PDE4D: variants seen among roughly 807,000 people sequenced by gnomAD.
PDE4D encodes the protein phosphodiesterase 4D, also known as 3',5'-cyclic-AMP phosphodiesterase 4D.
A neutral mutation model predicts 87.4 loss-of-function variants in PDE4D; 24 were observed. That is an observed-to-expected ratio of 0.27 (90% CI 0.20 to 0.39). The LOEUF is 0.39. Among genes scored for constraint, PDE4D ranks in the 10% least tolerant of loss-of-function variants. The pLI is 1.00. For synonymous variants in PDE4D, 384 were observed against 383.2 expected, an observed-to-expected ratio of 1.00 and a Z score of -0.02; for missense variants, 714 against 1,041.0, an observed-to-expected ratio of 0.69 and a Z score of 4.32.
chr5:58,998,394 G>A (rs1334790722), intron 6 of PDE4D, among the ~76,000 whole-genome samples: 1 of 151,972 alleles, frequency 6.6e-6, no homozygotes, highest in Non-Finnish European at 1.5e-5. Context: ...CGGATAATGA[G>A]GGCTTCTTAT....
intron 1 of PDE4D, among the ~76,000 whole-genome samples, chr5:59,225,317 T>C (rs1257176526): frequency 6.6e-6 from 1 of 152,098 alleles, no homozygotes; most frequent in East Asian, 1.9e-4. Flanking sequence ...TGACTGTGTA[T>C]GTGTGAGTTT....
chr5:60,370,842 G>A (rs781536232), intron 1 of PDE4D, among the ~76,000 whole-genome samples: 3 of 151,254 alleles, frequency 2.0e-5, no homozygotes, highest in Non-Finnish European at 4.4e-5. Context: ...AGAGAGAGAG[G>A]GAAGGAGAGA....
chr5:59,793,070 A>G (rs1344041589), intron 1 of PDE4D, among the ~76,000 whole-genome samples: 2 of 152,220 alleles, frequency 1.3e-5, no homozygotes, highest in Non-Finnish European at 2.9e-5. Context: ...TCCGATAGGT[A>G]GGAAATCAGA....
chr5:59,573,416 C>A (rs978980990), intron 1 of PDE4D, among the ~76,000 whole-genome samples: 1 of 152,096 alleles, frequency 6.6e-6, no homozygotes, highest in Non-Finnish European at 1.5e-5. Flanking sequence ...CCACCCCTAG[C>A]AACTCCCTGT....
At chr5:59,588,738 G>GTAA (rs1825539635) in intron 1 of PDE4D, among the ~76,000 whole-genome samples, 1 of 152,158 alleles carries the variant, frequency 6.6e-6, no homozygotes, top group Admixed American at 6.5e-5. Flanking sequence ...AAAGCAATGT[G>GTAA]AACTTGTAGG....
intron 3 of PDE4D, among the ~76,000 whole-genome samples, chr5:59,957,478 CT>C (rs1355508447): frequency 6.6e-6 from 1 of 151,724 alleles, no homozygotes; most frequent in Non-Finnish European, 1.5e-5. Context: ...GACCTAAGTT[CT>C]TTTATCTGAA....
At position 59,117,531 on chromosome 5, in the gene PDE4D, C is replaced by T. The variant is rs114071055; in HGVS notation, c.808+63064G>A. Among the ~76,000 whole-genome samples the T allele has an allele frequency of 8.0e-3, 1,221 of 152,298 alleles. 21 individuals carry two copies. The highest frequency in any genetic ancestry group is 0.028 in the African/African-American group (1,166 of 41,564). ...TACATTTCTTATCTATAAGTCCCAA[C>T]TCAAGCCTTACTTCCCCCTGGAGCA... On this transcript the variant is annotated intron_variant, in intron 5 of 14. Transcript: ENST00000340635.
At chr5:60,500,510 T>A (rs1422629198) in intron 1 of PDE4D, among the ~76,000 whole-genome samples, 2 of 152,212 alleles carry the variant, frequency 1.3e-5, no homozygotes, top group East Asian at 3.8e-4. Context: ...GGTAAATAGA[T>A]GTTAAGTAAT....
At chr5:59,157,691 A>T (rs532692514) in intron 5 of PDE4D, among the ~76,000 whole-genome samples, 13 of 152,354 alleles carry the variant, frequency 8.5e-5, no homozygotes, top group African/African-American at 3.1e-4. Flanking sequence ...ACCTAGTTAA[A>T]CAGTTGAAGA....
chr5:59,002,851 AACC>A (rs1750817415), intron 6 of PDE4D, among the ~76,000 whole-genome samples: 1 of 152,228 alleles, frequency 6.6e-6, no homozygotes, highest in African/African-American at 2.4e-5. Context: ...AGCAATAAAT[AACC>A]AGAACAGATA....
chr5:60,481,714 G>A (rs1748743581), intron 1 of PDE4D, among the ~76,000 whole-genome samples: 2 of 152,078 alleles, frequency 1.3e-5, no homozygotes. Flanking sequence ...ACATAGAAGA[G>A]GATGGGTGAG....
At chr5:60,362,646 T>C (rs536820170) in intron 1 of PDE4D, among the ~76,000 whole-genome samples, 11 of 152,172 alleles carry the variant, frequency 7.2e-5, no homozygotes, top group African/African-American at 2.6e-4. Context: ...TCACCTAAGG[T>C]CAGGAGTTTG....
intron 1 of PDE4D, among the ~76,000 whole-genome samples, chr5:60,469,689 G>A (rs1449119746): frequency 6.6e-6 from 1 of 152,016 alleles, no homozygotes; most frequent in Non-Finnish European, 1.5e-5. Flanking sequence ...TATTTGTTAG[G>A]GTGATATGTG....
intron 3 of PDE4D, among the ~76,000 whole-genome samples, chr5:59,926,718 G>C (rs1755329496): frequency 6.6e-6 from 1 of 152,110 alleles, no homozygotes; most frequent in African/African-American, 2.4e-5. Flanking sequence ...GCTGAAATTA[G>C]AAGTATCATT....
chr5:59,525,810 C>G (rs188599883), intron 1 of PDE4D, among the ~76,000 whole-genome samples: 10 of 152,158 alleles, frequency 6.6e-5, no homozygotes, highest in African/African-American at 2.2e-4. Context: ...CTATAAGGGG[C>G]TTTTTCCCCC....
At chr5:59,682,557 G>A (rs948570716) in intron 1 of PDE4D, among the ~76,000 whole-genome samples, 4 of 152,160 alleles carry the variant, frequency 2.6e-5, no homozygotes, top group African/African-American at 9.7e-5. Flanking sequence ...GTATTTACAG[G>A]TGTGGCCTTT....
intron 1 of PDE4D, among the ~76,000 whole-genome samples, chr5:59,298,411 GGC>G (rs1769526782): frequency 6.6e-6 from 1 of 152,020 alleles, no homozygotes; most frequent in African/African-American, 2.4e-5. Context: ...CACCGTGCCT[GGC>G]CATAAGTGTA....
chr5:59,636,931 G>C (rs1832323706), intron 1 of PDE4D, among the ~76,000 whole-genome samples: 1 of 152,144 alleles, frequency 6.6e-6, no homozygotes, highest in South Asian at 2.1e-4. Flanking sequence ...AAGAGCTTCT[G>C]CACAGCAAAA....
At chr5:59,116,324 A>G (rs1773604961) in intron 5 of PDE4D, among the ~76,000 whole-genome samples, 1 of 152,188 alleles carries the variant, frequency 6.6e-6, no homozygotes, top group African/African-American at 2.4e-5. Flanking sequence ...TGCTACATGT[A>G]ATTTATATTG....
Sources: allele counts gnomAD v4.1 joint callset (sites outside exome capture counted in the v4.1 genomes callset), GRCh38; gene constraint gnomAD v4.1.1; transcripts MANE v1.5; gene names NCBI Gene and HGNC (gene_info 2026-07-23, HGNC 2026-07-21).